The following SPTAN1 variants were observed in gnomAD, a reference collection of about 807,000 sequenced individuals.
SPTAN1 encodes the protein spectrin alpha, non-erythrocytic 1, also known as spectrin alpha chain, non-erythrocytic 1.
Under a neutral mutation model 331.3 loss-of-function variants are expected in SPTAN1, and 61 were observed. The observed-to-expected ratio is 0.18, with a 90% CI of 0.15 to 0.23. The LOEUF is 0.23. Ranked by LOEUF, SPTAN1 falls within the 10% of genes least tolerant of loss-of-function variation. SPTAN1 has a pLI of 1.00. For missense variants in SPTAN1, 2,043 were observed against 3,147.9 expected, an observed-to-expected ratio of 0.65 and a Z score of 8.40; for synonymous variants, 1,153 against 1,173.9, an observed-to-expected ratio of 0.98 and a Z score of 0.36.
At chr9:128,613,039 A>G (rs763914085) in intron 39 of SPTAN1, among the ~76,000 whole-genome samples, 5 of 152,126 alleles carry the variant, frequency 3.3e-5, no homozygotes, top group Non-Finnish European at 7.4e-5. Flanking sequence ...TTTGGTGTAT[A>G]TATTTTGCTG....
chr9:128,609,887 C>G (rs1019489919), intron 37 of SPTAN1, among the ~76,000 whole-genome samples: 1 of 152,176 alleles, frequency 6.6e-6, no homozygotes, highest in Non-Finnish European at 1.5e-5. Flanking sequence ...CTTCTCTCCC[C>G]CAGTTTATCA....
intron 51 of SPTAN1, 79 bp from the exon 52 acceptor site, chr9:128,630,242 T>C: frequency 1.3e-6 from 2 of 1,507,680 alleles, no homozygotes; most frequent in Non-Finnish European, 1.8e-6. Context: ...CAGGCATTGC[T>C]CTCTCTGAGA....
At position 128,583,291 on chromosome 9, in the gene SPTAN1, G is replaced by A. The variant is rs377437879; in HGVS notation, c.2011+10G>A. 2.0e-4 allele frequency: 330 copies of A among 1,612,958 alleles called. No homozygotes were observed. Among genetic ancestry groups the A allele is most frequent in the Non-Finnish European group, 2.7e-4 (318 of 1,179,704 alleles). On this transcript the variant is annotated intron_variant, in intron 15 of 56. Coordinates refer to ENST00000372739, the MANE Select transcript of SPTAN1 (RefSeq NM_001130438.3). Reference sequence around the variant, plus strand: ...GCCACTGAACTGAAAGGTAAGAGATGTTCCATTGAATTGTGACATGCATGT... The same window carrying A: ...GCCACTGAACTGAAAGGTAAGAGATATTCCATTGAATTGTGACATGCATGT...
intron 43 of SPTAN1, 90 bp downstream of exon 43, chr9:128,618,198 C>T: frequency 6.4e-7 from 1 of 1,567,958 alleles, no homozygotes; most frequent in Non-Finnish European, 8.7e-7. Context: ...AGTGGGCCCT[C>T]CTACTGTCTC....
chr9:128,604,876 T>A (rs1855619224), intron 29 of SPTAN1, among the ~76,000 whole-genome samples, 158 bp from the exon 30 acceptor site: 1 of 152,074 alleles, frequency 6.6e-6, no homozygotes, highest in Non-Finnish European at 1.5e-5. Context: ...GAGGTTGCAG[T>A]GAGCTGAGAT....
intron 3 of SPTAN1, among the ~76,000 whole-genome samples, chr9:128,574,212 C>T (rs1006417469): frequency 9.2e-5 from 14 of 151,806 alleles, no homozygotes; most frequent in Admixed American, 2.0e-4. Flanking sequence ...ATTAATTCCT[C>T]ATTTTTCCTT....
At chr9:128,631,748 A>G (rs1859769823) in intron 52 of SPTAN1, 1 of 241,954 alleles carries the variant, frequency 4.1e-6, no homozygotes, top group Admixed American at 5.2e-5. Flanking sequence ...AATCACTTGA[A>G]CCCGGGAGGT....
At chr9:128,608,088 C>T in intron 33 of SPTAN1, 39 bp downstream of exon 33, 10 of 1,614,156 alleles carry the variant, frequency 6.2e-6, no homozygotes, top group Non-Finnish European at 8.5e-6. Context: ...TGTTTCCTTG[C>T]TGAAGGGCCT....
intron 3 of SPTAN1, among the ~76,000 whole-genome samples, chr9:128,570,326 ATATAT>A (rs1564199655): frequency 2.3e-5 from 1 of 43,130 alleles, no homozygotes; most frequent in African/African-American, 1.1e-4. Flanking sequence ...ATATATATAT[ATATAT>A]TTTTTTTTTT....
At chr9:128,575,610 C>T (rs1390781764) in intron 5 of SPTAN1, among the ~76,000 whole-genome samples, 1 of 152,146 alleles carries the variant, frequency 6.6e-6, no homozygotes, top group East Asian at 1.9e-4. Flanking sequence ...CTGGGTGAAG[C>T]TTTTATTGGA....
chr9:128,632,200 A>G lies in SPTAN1; in HGVS notation c.6836A>G (p.Glu2279Gly). The G allele has an allele frequency of 6.2e-7, 1 of 1,613,476 alleles. No homozygotes were observed. The highest frequency in any genetic ancestry group is 8.5e-7 in the Non-Finnish European group (1 of 1,180,020). ...GAGGACCTGGGGGCCGCCATGGAGG[A>G]GGCCCTCATCCTGGACAACAAGTAC... ...KIEDLGAAMEEALILDNKYTE... is the reference protein window; with the variant it reads ...KIEDLGAAMEGALILDNKYTE... The change falls in exon 53 of 57, where the codon GAG (glutamate) becomes GGG (glycine). Residue 2279 changes from glutamate to glycine, a missense_variant. Transcript: ENST00000372739.
Position 128,603,697 on chromosome 9 carries a change from A to G in SPTAN1, c.3627+107A>G, listed in dbSNP as rs151318628. ...TCTTGTCAACCGGGTGACCTGTGAC[A>G]TATCTCACTCTATTGGGTCCAAGCA... On this transcript the variant is annotated intron_variant, in intron 28 of 56. Coordinates refer to ENST00000372739, the MANE Select transcript of SPTAN1 (RefSeq NM_001130438.3). 8.2e-6 allele frequency: 11 copies of G among 1,347,048 alleles called. No homozygotes were observed. In the East Asian group the frequency reaches 2.1e-4, roughly 25 times the overall value. 83.4% of individuals were successfully genotyped at this position (1,347,048 alleles called of 1,614,324 possible). A position where few individuals can be genotyped will look rare whatever the true frequency, so the allele number is the denominator to read the frequency against.
At chr9:128,626,184 C>CTA in intron 48 of SPTAN1, 1 of 892,438 alleles carries the variant, frequency 1.1e-6, no homozygotes, top group South Asian at 1.5e-5. Flanking sequence ...GCAGGACAGA[C>CTA]TAGAGACAAG....
chr9:128,566,006 T>A (rs2132940603), intron 1 of SPTAN1, among the ~76,000 whole-genome samples: 1 of 152,304 alleles, frequency 6.6e-6, no homozygotes, highest in South Asian at 2.1e-4. Flanking sequence ...CTTTTTGGCG[T>A]TAATCTGTAT....
intron 55 of SPTAN1, 37 bp from the exon 56 acceptor site, chr9:128,632,771 C>T (rs1355372307): frequency 6.2e-7 from 1 of 1,614,016 alleles, no homozygotes; most frequent in South Asian, 1.1e-5. Context: ...CACCCACCTG[C>T]CCTCCCTGCT....
intron 1 of SPTAN1, among the ~76,000 whole-genome samples, chr9:128,556,160 G>T (rs1230735979): frequency 6.6e-6 from 1 of 152,032 alleles, no homozygotes; most frequent in African/African-American, 2.4e-5. Context: ...GTTGGAGGTT[G>T]CAATGAGCCG....
rs1314821754 is a variant in SPTAN1 at position 128,578,140 on chromosome 9, C to T, written c.1116C>T (p.Asp372=). Residue 372 remains aspartate (D), a synonymous_variant, in exon 9 of 57, where the codon GAC becomes GAT. Coordinates refer to ENST00000372739, the MANE Select transcript of SPTAN1 (RefSeq NM_001130438.3). ...RLQRFLADFR[D]LTSWVTEMKA... ...AACGCTTCCTTGCTGACTTCCGTGA[C>T]CTCACCAGCTGGGTGACTGAGATGA... The T allele has an allele frequency of 6.2e-7, 1 of 1,614,202 alleles. No individual in the cohort carries two copies. The highest frequency in any genetic ancestry group is 8.5e-7 in the Non-Finnish European group (1 of 1,180,036).
intron 23 of SPTAN1, chr9:128,593,796 C>A: frequency 3.4e-6 from 1 of 289,988 alleles, no homozygotes; most frequent in East Asian, 7.7e-5. Flanking sequence ...CAGAAAAACC[C>A]TCTGTATACA....
chr9:128,599,423 C>T, intron 26 of SPTAN1: 1 of 183,338 alleles, frequency 5.5e-6, no homozygotes, highest in Non-Finnish European at 1.1e-5. Context: ...ACGTGAGCCA[C>T]CATGCCCAGC....
Sources: allele counts gnomAD v4.1 joint callset (sites outside exome capture counted in the v4.1 genomes callset), GRCh38; gene constraint gnomAD v4.1.1; transcripts MANE v1.5; gene names NCBI Gene and HGNC (gene_info 2026-07-23, HGNC 2026-07-21).